CCDC175: variants seen among roughly 807,000 people sequenced by gnomAD.
CCDC175 encodes coiled-coil domain containing 175.
CCDC175 carries 100 observed loss-of-function variants against 114.6 expected under a neutral mutation model. The observed-to-expected ratio is 0.87, with a 90% CI of 0.74 to 1.03. The LOEUF (loss-of-function observed/expected upper bound fraction) is 1.03. Among genes scored for constraint, CCDC175 ranks in the 50% least tolerant of loss-of-function variants. The pLI, the probability that CCDC175 is intolerant of heterozygous loss-of-function variation, is 0.00. For synonymous variants in CCDC175, 306 were observed against 308.7 expected (o/e 0.99, Z 0.09); for missense variants, 880 against 917.8 (o/e 0.96, Z 0.53).
At chr14:59,516,270 GA>G (rs1240841767) in intron 17 of CCDC175, among the ~76,000 whole-genome samples, 2 of 152,218 alleles carry the variant, frequency 1.3e-5, no homozygotes, top group East Asian at 3.9e-4. Context: ...AGAGAAGCAA[GA>G]GCAAACACAT....
At chr14:59,576,015 C>A (rs1180647932) in intron 1 of CCDC175, among the ~76,000 whole-genome samples, 1 of 152,162 alleles carries the variant, frequency 6.6e-6, no homozygotes, top group African/African-American at 2.4e-5. Flanking sequence ...TTGCACCGAA[C>A]AAGAAACACC....
chr14:59,553,945 G>A (rs576942807), intron 7 of CCDC175, among the ~76,000 whole-genome samples: 2 of 152,256 alleles, frequency 1.3e-5, no homozygotes, highest in South Asian at 2.1e-4. Context: ...CCCAATACAG[G>A]AGCACCCAGA....
chr14:59,518,073 C>T lies in CCDC175; in HGVS notation c.2098+3501G>A, dbSNP rs962392723. ...CTGACAAAAACAAGAAATGGGGAAA[C>T]GATTCCCTATTTAATAATTAGTGCT... On this transcript the variant is annotated intron_variant, in intron 17 of 19. Transcript: ENST00000537690. Among the ~76,000 whole-genome samples, 12 of 152,196 alleles carry T rather than the reference C, an allele frequency of 7.9e-5. No individual in the cohort carries two copies. The South Asian group carries it at 8.3e-4, about 11-fold the overall frequency.
At chr14:59,512,555 T>G (rs1892815014) in intron 17 of CCDC175, among the ~76,000 whole-genome samples, 1 of 152,184 alleles carries the variant, frequency 6.6e-6, no homozygotes, top group Non-Finnish European at 1.5e-5. Flanking sequence ...TACTCTATCT[T>G]TCACTGGAAT....
chr14:59,549,887 A>G (rs2140066608), intron 8 of CCDC175, among the ~76,000 whole-genome samples: 2 of 152,108 alleles, frequency 1.3e-5, no homozygotes, highest in Admixed American at 1.3e-4. Flanking sequence ...GTGTATAAGT[A>G]ATTAAATGGG....
chr14:59,543,471 A>G lies in CCDC175; in HGVS notation c.1173-17T>C. 9.1e-7 allele frequency: 1 copy of G among 1,102,778 alleles called. No individual in the cohort carries two copies. The allele number at this position is 1,102,778 out of a possible 1,614,324, so 68.3% of individuals were successfully genotyped here. On this transcript the variant is annotated splice_polypyrimidine_tract_variant and intron_variant, in intron 9 of 19. Transcript: ENST00000537690. ...TTCTGATTTCTATCATGAAAAACAG[A>G]GTTATTTGTTGAAGGCTGACATAAA...
At position 59,521,677 on chromosome 14, in the gene CCDC175, C is replaced by G; in HGVS notation, c.1996-1G>C. ...TGTTATTCTTCAAGTATAAAATATA[C>G]TGAAAATTAAAAGCATGTGATTGCT... is the stretch of plus-strand genomic sequence containing the variant. On this transcript the variant is annotated splice_acceptor_variant, in intron 16 of 19. Transcript: ENST00000537690. LOFTEE classifies it high-confidence loss of function. 5 of 1,463,220 alleles carry G rather than the reference C, an allele frequency of 3.4e-6. No individual in the cohort carries two copies. Among genetic ancestry groups the G allele is most frequent in the Non-Finnish European group, 4.6e-6 (5 of 1,080,314 alleles). The allele number at this position is 1,463,220 out of a possible 1,614,324, so 90.6% of individuals were successfully genotyped here.
intron 7 of CCDC175, among the ~76,000 whole-genome samples, chr14:59,555,604 G>A (rs1189192938): frequency 6.6e-6 from 1 of 152,186 alleles, no homozygotes; most frequent in Non-Finnish European, 1.5e-5. Flanking sequence ...AGTGTTGGAA[G>A]TTCTAGCCAG....
intron 3 of CCDC175, among the ~76,000 whole-genome samples, chr14:59,568,712 T>A (rs138211773): frequency 2.8e-4 from 43 of 152,264 alleles, no homozygotes; most frequent in African/African-American, 9.6e-4. Flanking sequence ...CCCACACCCA[T>A]GCATGTATAA....
At chr14:59,560,994 G>A in intron 7 of CCDC175, 125 bp downstream of exon 7, 1 of 538,138 alleles carries the variant, frequency 1.9e-6, no homozygotes, top group South Asian at 3.1e-5. Flanking sequence ...AGTAAACTAA[G>A]AGAATATAAT....
chr14:59,508,728 G>A (rs1296213416), intron 19 of CCDC175, among the ~76,000 whole-genome samples: 1 of 151,918 alleles, frequency 6.6e-6, no homozygotes, highest in African/African-American at 2.4e-5. Context: ...CCTTATCAAA[G>A]AGGCCCCAAA....
chr14:59,517,009 T>C (rs1397971821), intron 17 of CCDC175, among the ~76,000 whole-genome samples: 1 of 152,148 alleles, frequency 6.6e-6, no homozygotes, highest in Non-Finnish European at 1.5e-5. Context: ...GCAAGGCTGG[T>C]TCAACAGACA....
chr14:59,505,890 A>G (rs767498227), intron 19 of CCDC175, among the ~76,000 whole-genome samples: 1 of 152,200 alleles, frequency 6.6e-6, no homozygotes, highest in Non-Finnish European at 1.5e-5. Context: ...GCTTGAGACC[A>G]GAAGTGTTTC....
At chr14:59,506,594 A>G (rs1892414478) in intron 19 of CCDC175, among the ~76,000 whole-genome samples, 1 of 152,160 alleles carries the variant, frequency 6.6e-6, no homozygotes, top group African/African-American at 2.4e-5. Flanking sequence ...AGCTGAGCAC[A>G]GGGGTTTTTT....
chr14:59,514,112 G>C (rs1892917297), intron 17 of CCDC175, among the ~76,000 whole-genome samples: 1 of 152,182 alleles, frequency 6.6e-6, no homozygotes, highest in Non-Finnish European at 1.5e-5. Flanking sequence ...GGTCCTGACT[G>C]TTAGAAGGAA....
chr14:59,561,283 C>G (rs1896215128), intron 6 of CCDC175, 55 bp from the exon 7 acceptor site: 1 of 912,724 alleles, frequency 1.1e-6, no homozygotes, highest in Non-Finnish European at 1.7e-6. Flanking sequence ...TGATTCATAA[C>G]AGCAGTTCAA....
chr14:59,515,195 C>G (rs1346787221), intron 17 of CCDC175, among the ~76,000 whole-genome samples: 1 of 152,166 alleles, frequency 6.6e-6, no homozygotes, highest in Non-Finnish European at 1.5e-5. Flanking sequence ...ACAACTGGTA[C>G]CAGCCACTGA....
At chr14:59,508,399 T>TACACACACACACACACACGCAC (rs1892552108) in intron 19 of CCDC175, among the ~76,000 whole-genome samples, 1 of 97,350 alleles carries the variant, frequency 1.0e-5, no homozygotes, top group Non-Finnish European at 1.9e-5. Flanking sequence ...GTCTCCAAAA[T>TACACACACACACACACACGCAC]ACACACACAC....
chr14:59,540,894 G>A, intron 10 of CCDC175, 148 bp from the exon 11 acceptor site: 1 of 696,748 alleles, frequency 1.4e-6, no homozygotes, highest in Non-Finnish European at 2.4e-6. Context: ...CATTTCAGTG[G>A]CAGACTGATA....
Sources: gnomAD v4.1 joint callset for allele counts (sites outside exome capture counted in the v4.1 genomes callset) on GRCh38, gnomAD v4.1.1 for gene constraint, MANE v1.5 for transcripts, NCBI Gene and HGNC (gene_info 2026-07-23, HGNC 2026-07-21) for gene names.